PDGFA: variants seen among roughly 807,000 people sequenced by gnomAD.
PDGFA encodes the protein platelet derived growth factor subunit A.
In PDGFA, 9 loss-of-function variants were observed where a neutral mutation model predicts 25.6. The ratio of observed to expected loss-of-function variants is 0.35; its 90% CI spans 0.21 to 0.61. The LOEUF is 0.61. PDGFA is among the 20% of genes least tolerant of loss of function. The pLI is 0.75. For synonymous variants in PDGFA, 133 were observed against 111.8 expected, an observed-to-expected ratio of 1.19 and a Z score of -1.20; for missense variants, 242 against 272.8, an observed-to-expected ratio of 0.89 and a Z score of 0.79.
intron 4 of PDGFA, among the ~76,000 whole-genome samples, chr7:507,539 C>A (rs1257091420): frequency 6.6e-6 from 1 of 152,364 alleles, no homozygotes; most frequent in East Asian, 1.9e-4. Context: ...CCCTCCTATC[C>A]TCACCCCATG....
chr7:505,290 C>T (rs1440793406), intron 4 of PDGFA, among the ~76,000 whole-genome samples: 1 of 152,182 alleles, frequency 6.6e-6, no homozygotes, highest in Non-Finnish European at 1.5e-5. Context: ...CTTTTTCCGT[C>T]CCAGAGATGT....
intron 4 of PDGFA, among the ~76,000 whole-genome samples, chr7:509,144 G>A (rs1462806930): frequency 6.6e-6 from 1 of 152,190 alleles, no homozygotes; most frequent in Non-Finnish European, 1.5e-5. Context: ...AGTTCACCCG[G>A]GTGCTGTTCC....
At chr7:519,238 A>G (rs1583163320) in exon 1 of PDGFA, 2 of 148,010 alleles carry the variant, frequency 1.4e-5, no homozygotes, top group Non-Finnish European at 2.7e-5. Flanking sequence ...CAGCGCGGGG[A>G]GCCTCCTGGG....
Position 500,548 on chromosome 7 carries a change from G to T in PDGFA, c.580+568C>A. On this transcript the variant is annotated intron_variant, in intron 5 of 5. Coordinates refer to ENST00000402802, the Ensembl canonical transcript of PDGFA. This position sits in a 1 kb window ranked among gnomAD's most constrained non-coding sequence, Gnocchi z 5.0. ...TGAGTGGGCCGAGGGACGGCCGTCG[G>T]GGTGAAGAACTGAAGCAACAAATAC... 1 of 1,613,130 alleles carries T rather than the reference G, an allele frequency of 6.2e-7. No individual in the cohort carries two copies. The highest frequency in any genetic ancestry group is 1.1e-5 in the South Asian group (1 of 91,032).
chr7:510,982 C>T, exon 4 of PDGFA: 1 of 1,612,220 alleles, frequency 6.2e-7, no homozygotes, highest in Non-Finnish European at 8.5e-7. Flanking sequence ...TTGCAGACAG[C>T]GGGGACAGCT....
intron 3 of PDGFA, among the ~76,000 whole-genome samples, chr7:511,570 CACACATG>C (rs1038836305): frequency 1.3e-5 from 2 of 152,156 alleles, no homozygotes; most frequent in Non-Finnish European, 2.9e-5. Context: ...ACTAGCCAGC[CACACATG>C]ACACTTTAAG....
Position 500,340 on chromosome 7 carries a change from C to T in PDGFA, c.580+776G>A, listed in dbSNP as rs532294413. The stretch of plus-strand genomic sequence containing the variant: ...ATCAGGGCCACATCCCCGCCGCACC[C>T]GGCGAGACAGGAAGCGTGATTTGCT... On this transcript the variant is annotated intron_variant, in intron 5 of 5. Transcript: ENST00000402802. The surrounding 1 kb of genome is among the most constrained non-coding windows in gnomAD (Gnocchi z 5.0). 2.2e-4 allele frequency: 321 copies of T among 1,438,612 alleles called. No homozygotes were observed. In the African/African-American group the frequency reaches 2.8e-3, roughly 12 times the overall value. 89.1% of individuals were successfully genotyped at this position (1,438,612 alleles called of 1,614,324 possible).
Position 507,498 on chromosome 7 carries a change from G to T in PDGFA, c.453+3311C>A, listed in dbSNP as rs1782611516. Among the ~76,000 whole-genome samples, 4 of 152,346 alleles carry T rather than the reference G, an allele frequency of 2.6e-5. No homozygotes were observed. In the South Asian group the frequency reaches 8.3e-4, roughly 32 times the overall value. On this transcript the variant is annotated intron_variant, in intron 4 of 5. Coordinates refer to ENST00000402802, the Ensembl canonical transcript of PDGFA. ...ACCCAGCCTCCTCAGGGGGCCGGGG[G>T]AGGGAGAGAACACTGCCCTGTAGGG...
intron 4 of PDGFA, among the ~76,000 whole-genome samples, chr7:506,624 G>A (rs1782576190): frequency 6.6e-6 from 1 of 152,172 alleles, no homozygotes; most frequent in Non-Finnish European, 1.5e-5. Context: ...TCCTCGGGCT[G>A]GCATCTCATC....
At position 517,595 on chromosome 7, in the gene PDGFA, A is replaced by G. The variant is rs1783168684; in HGVS notation, c.64-105T>C. ...GCCCCGGGCCCGAGGAGACCCCGCG[A>G]GCGCCGGCCGCAGTCCCCGCCCCAG... On this transcript the variant is annotated intron_variant, in intron 1 of 5. Coordinates refer to ENST00000402802, the Ensembl canonical transcript of PDGFA. The surrounding 1 kb of genome is among the most constrained non-coding windows in gnomAD (Gnocchi z 7.4). The G allele has an allele frequency of 4.3e-6, 1 of 231,900 alleles. No homozygotes were observed. The highest frequency in any genetic ancestry group is 6.5e-5 in the Admixed American group (1 of 15,340). The allele number at this position is 231,900 out of a possible 1,614,324, so 14.4% of individuals were successfully genotyped here.
At chr7:503,325 A>G (rs1431581143) in intron 4 of PDGFA, among the ~76,000 whole-genome samples, 1 of 152,168 alleles carries the variant, frequency 6.6e-6, no homozygotes, top group Non-Finnish European at 1.5e-5. Flanking sequence ...TCTAAATGCA[A>G]GAACAGCCAC....
rs1329866204 is a variant in PDGFA, at chr7:517,731, C to A, written c.64-241G>T. Among the ~76,000 whole-genome samples, 1 of 146,150 alleles carries A rather than the reference C, an allele frequency of 6.8e-6. No individual in the cohort carries two copies. The highest frequency in any genetic ancestry group is 1.5e-5 in the Non-Finnish European group (1 of 66,226). ...GTTCCGCCCTTTGCAAAATCAAAGC[C>A]CCCCCCCCTTTATATTTTCAGACAA... On this transcript the variant is annotated intron_variant, in intron 1 of 5. Transcript: ENST00000402802. This position sits in a 1 kb window ranked among gnomAD's most constrained non-coding sequence, Gnocchi z 7.4.
intron 2 of PDGFA, 53 bp from the exon 3 acceptor site, chr7:512,508 T>C: frequency 6.2e-7 from 1 of 1,611,232 alleles, no homozygotes; most frequent in Non-Finnish European, 8.5e-7. Flanking sequence ...CGCTGTGCCC[T>C]GGGCCTGTCC....
At chr7:499,145 G>A (rs1267438680) in intron 5 of PDGFA, among the ~76,000 whole-genome samples, 1 of 152,228 alleles carries the variant, frequency 6.6e-6, no homozygotes, top group Non-Finnish European at 1.5e-5. Flanking sequence ...CTCTCACCAT[G>A]GGGTCTGTCA....
At chr7:509,777 C>T (rs1305388951) in intron 4 of PDGFA, among the ~76,000 whole-genome samples, 1 of 152,178 alleles carries the variant, frequency 6.6e-6, no homozygotes, top group Non-Finnish European at 1.5e-5. Context: ...CTTCCAGCCT[C>T]CAGAACTTTG....
intron 4 of PDGFA, among the ~76,000 whole-genome samples, chr7:508,590 T>TAAAAAAAAAGC (rs1275774675): frequency 7.6e-6 from 1 of 130,898 alleles, no homozygotes; most frequent in Non-Finnish European, 1.6e-5. Context: ...AAAAAAAAAT[T>TAAAAAAAAAGC]CTCAGCTGAG....
chr7:510,983 G>C, exon 4 of PDGFA: 1 of 1,612,248 alleles, frequency 6.2e-7, no homozygotes, highest in Non-Finnish European at 8.5e-7. Context: ...TGCAGACAGC[G>C]GGGACAGCTT....
exon 6 of PDGFA, chr7:498,357 C>T: frequency 3.7e-6 from 2 of 538,934 alleles, no homozygotes; most frequent in Admixed American, 3.1e-5. Flanking sequence ...AAGCTTCTTA[C>T]TGCTTCACCG....
In PDGFA at chr7:514,818, C is replaced by T. The variant is rs1401442229; in HGVS notation, c.161-2363G>A. Reference sequence around the variant, plus strand: ...ACGCGGGCTGCCGGTCATTAAAAGACCACATGCTGGCCTCTGGATCTAAAA... The same window carrying T: ...ACGCGGGCTGCCGGTCATTAAAAGATCACATGCTGGCCTCTGGATCTAAAA... On this transcript the variant is annotated intron_variant, in intron 2 of 5. Transcript: ENST00000402802. 2.6e-5 allele frequency among the ~76,000 whole-genome samples: 4 copies of T among 152,264 alleles called. No homozygotes were observed. The East Asian group carries it at 7.7e-4, about 29-fold the overall frequency.
Sources: gnomAD v4.1 joint callset for allele counts (sites outside exome capture counted in the v4.1 genomes callset) on GRCh38, gnomAD v4.1.1 for gene constraint, Gnocchi (gnomAD v3.1) non-coding constraint, MANE v1.5 for transcripts, NCBI Gene and HGNC (gene_info 2026-07-23, HGNC 2026-07-21) for gene names.